TMEM9: variants seen among roughly 807,000 people sequenced by gnomAD.
TMEM9 encodes the protein transmembrane protein 9, also known as proton-transporting V-type ATPase complex assembly regulator TMEM9.
A neutral mutation model predicts 22.8 loss-of-function variants in TMEM9; 13 were observed. The observed-to-expected ratio is 0.57, with a 90% confidence interval of 0.37 to 0.91. The LOEUF (loss-of-function observed/expected upper bound fraction) is 0.91, where lower values mean the gene tolerates loss of function less well. Among genes scored for constraint, TMEM9 ranks in the 40% least tolerant of loss-of-function variants. The pLI, the probability that TMEM9 is intolerant of heterozygous loss-of-function variation, is 0.01. For missense variants in TMEM9, 182 were observed against 238.1 expected (o/e 0.76, Z 1.55); for synonymous variants, 88 against 93.0 (o/e 0.95, Z 0.31).
At chr1:201,135,902 C>T (rs1663949118) in intron 4 of TMEM9, 87 bp from the exon 5 acceptor site, 1 of 1,368,790 alleles carries the variant, frequency 7.3e-7, no homozygotes, top group Non-Finnish European at 9.7e-7. Context: ...AAAGAACGAA[C>T]CCCAAAGCCT....
chr1:201,145,698 C>T (rs902117015), intron 3 of TMEM9: 3 of 152,292 alleles, frequency 2.0e-5, no homozygotes. Flanking sequence ...ATGGAGCTCA[C>T]ACCTATAATC....
intron 3 of TMEM9, chr1:201,144,865 C>G (rs561590046): frequency 4.3e-4 from 65 of 152,446 alleles, no homozygotes; most frequent in African/African-American, 1.5e-3. Flanking sequence ...AGGTGTGACT[C>G]AAACCCAGAC....
upstream of TMEM9, among the ~76,000 whole-genome samples, chr1:201,154,690 A>G (rs1422378840): frequency 1.3e-5 from 2 of 151,754 alleles, no homozygotes; most frequent in African/African-American, 4.8e-5. Flanking sequence ...TGGCCTGAGA[A>G]CTCCCACTGC....
At chr1:201,165,562 G>T (rs772303415) in intron 1 of TMEM9, among the ~76,000 whole-genome samples, 5 of 151,572 alleles carry the variant, frequency 3.3e-5, no homozygotes, top group African/African-American at 1.2e-4. Flanking sequence ...TCAGCCTCCC[G>T]AGTAGCTAGG....
intron 4 of TMEM9, among the ~76,000 whole-genome samples, chr1:201,139,285 T>TA (rs1377012413): frequency 6.6e-6 from 1 of 152,170 alleles, no homozygotes; most frequent in Non-Finnish European, 1.5e-5. Flanking sequence ...TCTCATCACT[T>TA]ACCAGCCACT....
At chr1:201,139,877 G>T (rs1558105033) in intron 4 of TMEM9, among the ~76,000 whole-genome samples, 2 of 152,132 alleles carry the variant, frequency 1.3e-5, no homozygotes, top group Non-Finnish European at 2.9e-5. Flanking sequence ...GCAGGGCTCG[G>T]CCCCTCCCAG....
At chr1:201,155,438 T>G (rs907176527), upstream of TMEM9, among the ~76,000 whole-genome samples, 5 of 152,230 alleles carry the variant, frequency 3.3e-5, no homozygotes, top group African/African-American at 1.2e-4. Context: ...CCCTGTGAAC[T>G]GAGGTGGGCA....
At chr1:201,149,311 C>A (rs1003719128) in intron 2 of TMEM9, among the ~76,000 whole-genome samples, 1 of 152,166 alleles carries the variant, frequency 6.6e-6, no homozygotes, top group Non-Finnish European at 1.5e-5. Context: ...AACCACTGTA[C>A]GGTGGGGTGG....
intron 1 of TMEM9, among the ~76,000 whole-genome samples, chr1:201,170,830 A>C (rs1196408071): frequency 1.7e-4 from 26 of 151,756 alleles, no homozygotes; most frequent in Admixed American, 1.4e-3. Flanking sequence ...TAGTGACCGC[A>C]CACTCCAGCC....
chr1:201,161,824 A>T (rs1236908729), intron 1 of TMEM9, among the ~76,000 whole-genome samples: 1 of 152,214 alleles, frequency 6.6e-6, no homozygotes, highest in African/African-American at 2.4e-5. Flanking sequence ...TTAACAGATC[A>T]GGTTCTATCA....
chr1:201,168,140 CCACGATT>C (rs1666123224), intron 1 of TMEM9, among the ~76,000 whole-genome samples: 1 of 152,140 alleles, frequency 6.6e-6, no homozygotes, highest in African/African-American at 2.4e-5. Flanking sequence ...TATGAATATA[CCACGATT>C]CACTTATCCA....
At chr1:201,151,888 C>T in intron 1 of TMEM9, 36 bp from the exon 2 acceptor site, 1 of 1,559,230 alleles carries the variant, frequency 6.4e-7, no homozygotes, top group Non-Finnish European at 8.8e-7. Flanking sequence ...ATGCAGAGAC[C>T]CTGCCTGGGG....
At position 201,168,942 on chromosome 1, in the gene TMEM9, C is replaced by T. The variant is rs548272606; in HGVS notation, c.-37+2548G>A. Among the ~76,000 whole-genome samples, 9 of 149,940 alleles carry T rather than the reference C, an allele frequency of 6.0e-5. No individual in the cohort carries two copies. The East Asian group carries it at 1.8e-3, about 29-fold the overall frequency. On this transcript the variant is annotated intron_variant, in intron 1 of 5. Coordinates refer to the TMEM9 transcript ENST00000367333. ...AAGTAGCTGGGACTCCAAGCTTGTG[C>T]CATAATGCCCAGCTAATTATATTAC...
At chr1:201,152,901 C>A (rs1283288259) in intron 1 of TMEM9, among the ~76,000 whole-genome samples, 2 of 152,204 alleles carry the variant, frequency 1.3e-5, no homozygotes, top group Non-Finnish European at 2.9e-5. Flanking sequence ...ATCAAAGAGA[C>A]TTCTAAGACA....
chr1:201,151,895 G>T, intron 1 of TMEM9, 43 bp from the exon 2 acceptor site: 1 of 1,418,372 alleles, frequency 7.1e-7, no homozygotes, highest in Non-Finnish European at 1.0e-6. Context: ...GACCCTGCCT[G>T]GGGTTCAGGG....
chr1:201,147,784 C>T (rs995909749), intron 2 of TMEM9, among the ~76,000 whole-genome samples: 1 of 152,140 alleles, frequency 6.6e-6, no homozygotes, highest in Admixed American at 6.5e-5. Context: ...TCTTGCTACG[C>T]CTCCCTCACC....
intron 4 of TMEM9, among the ~76,000 whole-genome samples, chr1:201,141,280 C>T (rs886172223): frequency 3.9e-5 from 6 of 152,268 alleles, no homozygotes; most frequent in African/African-American, 1.2e-4. Context: ...GGGGCTTAAA[C>T]CCCCGAGGGC....
chr1:201,158,583 T>G (rs1043648239), upstream of TMEM9, among the ~76,000 whole-genome samples: 2 of 152,058 alleles, frequency 1.3e-5, no homozygotes, highest in African/African-American at 4.8e-5. Flanking sequence ...GGGAGCTCAG[T>G]GACATCAGAG....
Position 201,143,324 on chromosome 1 carries a change from T to C in TMEM9, c.399+496A>G, listed in dbSNP as rs1428831491. ...CTCACACATACTTGGCAATGTCCCC[T>C]GCCCGGCACCACTGTCTCATTCCTC... On this transcript the variant is annotated intron_variant, in intron 4 of 4. Transcript: ENST00000367330. Among the ~76,000 whole-genome samples the C allele has an allele frequency of 2.6e-5, 4 of 152,368 alleles. No individual in the cohort carries two copies. In the East Asian group the frequency reaches 7.7e-4, roughly 29 times the overall value.
Sources: allele counts gnomAD v4.1 joint callset (sites outside exome capture counted in the v4.1 genomes callset), GRCh38; gene constraint gnomAD v4.1.1; transcripts MANE v1.5; gene names NCBI Gene and HGNC (gene_info 2026-07-23, HGNC 2026-07-21).